Variants in DNAAF9 observed in about 807,000 individuals in gnomAD.
DNAAF9 encodes the protein dynein axonemal assembly factor 9.
DNAAF9 carries 90 observed loss-of-function variants against 167.0 expected under a neutral mutation model. The ratio of observed to expected loss-of-function variants is 0.54; its 90% confidence interval spans 0.45 to 0.64. The LOEUF is 0.64. Among genes scored for constraint, DNAAF9 ranks in the 30% least tolerant of loss-of-function variants. DNAAF9 has a pLI of 0.00. For synonymous variants in DNAAF9, 491 were observed against 508.8 expected (o/e 0.96, Z 0.47); for missense variants, 1,315 against 1,442.2 (o/e 0.91, Z 1.43).
intron 6 of DNAAF9, among the ~76,000 whole-genome samples, chr20:3,373,338 T>C (rs867685636): frequency 6.6e-6 from 1 of 152,336 alleles, no homozygotes. Context: ...TTTCCTGTAC[T>C]GGGCAGGTCA....
Position 3,359,559 on chromosome 20 carries a change from T to C in DNAAF9, c.647A>G (p.Tyr216Cys). The C allele has an allele frequency of 1.2e-6, 2 of 1,612,876 alleles. No individual in the cohort carries two copies. The highest frequency in any genetic ancestry group is 1.7e-6 in the Non-Finnish European group (2 of 1,179,592). Reference protein sequence around the residue: ...QDVSLNLWNVYSKMDPMSLES... With the variant: ...QDVSLNLWNVCSKMDPMSLES... ...CAGAGACATAGGATCCATCTTGCTG[T>C]AGACATTCCATAGATTCAAACTCAC... The change falls in exon 7 of 37, where the codon TAC becomes TGC. Residue 216 changes from tyrosine (Y) to cysteine (C), a missense_variant. Tyr to Cys is a radical substitution (Grantham distance 194, BLOSUM62 -2). Transcript: ENST00000252032.
chr20:3,404,246 G>A (rs1295871670), intron 1 of DNAAF9, among the ~76,000 whole-genome samples: 1 of 152,154 alleles, frequency 6.6e-6, no homozygotes, highest in Non-Finnish European at 1.5e-5. Context: ...ATGTTGGTCA[G>A]GCTGGTCTCA....
chr20:3,279,158 C>A lies in DNAAF9; in HGVS notation c.2613-209G>T, dbSNP rs193286940. 2.8e-3 allele frequency among the ~76,000 whole-genome samples: 421 copies of A among 152,302 alleles called. 1 individual carries two copies. The highest frequency in any genetic ancestry group is 9.5e-3 in the African/African-American group (396 of 41,558). On this transcript the variant is annotated intron_variant, in intron 28 of 36. Coordinates refer to ENST00000252032, the MANE Select transcript of DNAAF9 (RefSeq NM_001009984.3). ...ACCAGGAGCCCCACAGAAGTCCCTA[C>A]ATGGCCAATTCTAAGTGGAATGCTG...
chr20:3,284,750 C>CAGATA (rs571795002), intron 27 of DNAAF9, among the ~76,000 whole-genome samples: 2 of 152,224 alleles, frequency 1.3e-5, no homozygotes, highest in South Asian at 4.2e-4. Flanking sequence ...GTTTTTAATG[C>CAGATA]AGATAATTTT....
At chr20:3,333,107 C>A (rs1018618098) in intron 10 of DNAAF9, among the ~76,000 whole-genome samples, 2 of 152,132 alleles carry the variant, frequency 1.3e-5, no homozygotes, top group Admixed American at 6.5e-5. Flanking sequence ...ACATGACAGG[C>A]AGAGGTGTGG....
intron 23 of DNAAF9, 73 bp downstream of exon 23, chr20:3,296,788 C>T (rs758727892): frequency 8.0e-5 from 74 of 922,120 alleles, no homozygotes; most frequent in Admixed American, 1.4e-4. Context: ...TTACATAATG[C>T]GAGGCATCCT....
chr20:3,391,578 CTTTTTT>C (rs34396355), intron 1 of DNAAF9, among the ~76,000 whole-genome samples: 1 of 120,950 alleles, frequency 8.3e-6, no homozygotes, highest in African/African-American at 3.2e-5. Flanking sequence ...TTTTTTCCTT[CTTTTTT>C]TTTTTTTTTT....
intron 22 of DNAAF9, among the ~76,000 whole-genome samples, chr20:3,297,664 G>A (rs2069105803): frequency 6.6e-6 from 1 of 152,178 alleles, no homozygotes; most frequent in African/African-American, 2.4e-5. Context: ...CGCAAGGGCA[G>A]GGACTGGCCC....
At chr20:3,381,002 T>C (rs1013313058) in intron 3 of DNAAF9, among the ~76,000 whole-genome samples, 19 of 152,234 alleles carry the variant, frequency 1.2e-4, no homozygotes, top group Non-Finnish European at 2.6e-4. Context: ...TTGTAGGAGC[T>C]GCCTGCAGGC....
intron 27 of DNAAF9, among the ~76,000 whole-genome samples, chr20:3,284,337 C>T (rs976705635): frequency 2.0e-5 from 3 of 152,034 alleles, no homozygotes; most frequent in Admixed American, 1.3e-4. Flanking sequence ...TGCACCACCA[C>T]ACCCAGCTAA....
In DNAAF9 at chr20:3,288,664, C is replaced by T. The variant is rs73577656; in HGVS notation, c.2328-874G>A. 9.4e-3 allele frequency among the ~76,000 whole-genome samples: 1,426 copies of T among 151,578 alleles called. 11 individuals are homozygous for T. Among genetic ancestry groups the T allele is most frequent in the African/African-American group, 0.029 (1,202 of 40,986 alleles). ...TTCAGGCTTCCAAATTTCTTTACGG[C>T]CTCCTGCAGGATGCCTTACCTTGGG... is the stretch of plus-strand genomic sequence containing the variant. On this transcript the variant is annotated intron_variant, in intron 26 of 36. Transcript: ENST00000252032.
chr20:3,349,208 A>AAAAG (rs2070262319), intron 7 of DNAAF9, among the ~76,000 whole-genome samples: 3 of 149,890 alleles, frequency 2.0e-5, no homozygotes, highest in African/African-American at 7.4e-5. Context: ...AAAAAACAAA[A>AAAAG]AAAAAAAAAA....
intron 8 of DNAAF9, among the ~76,000 whole-genome samples, chr20:3,347,565 T>A (rs997747845): frequency 7.9e-5 from 12 of 152,162 alleles, no homozygotes; most frequent in Admixed American, 3.3e-4. Flanking sequence ...TCCCTATTAT[T>A]TAAATCTTTA....
chr20:3,264,325 C>A (rs1361241832), intron 31 of DNAAF9, 113 bp downstream of exon 31: 8 of 651,770 alleles, frequency 1.2e-5, no homozygotes, highest in Non-Finnish European at 2.2e-5. Context: ...CCATGTGTCA[C>A]CCTTGCAAAG....
Position 3,252,330 on chromosome 20 carries a change from C to G in DNAAF9, c.*242G>C. ...CTGGACTGCCAGTTGCACACGTAGA[C>G]GGGCAGGCCCCATCTGCTCATCCTT... On this transcript the variant is annotated 3_prime_UTR_variant, in exon 37 of 37. Transcript: ENST00000252032. 2 of 386,474 alleles carry G rather than the reference C, an allele frequency of 5.2e-6. No homozygotes were observed. Among genetic ancestry groups the G allele is most frequent in the South Asian group, 6.9e-5 (2 of 29,162 alleles). The allele number at this position is 386,474 out of a possible 1,614,324, so 23.9% of individuals were successfully genotyped here. A position where few individuals can be genotyped will look rare whatever the true frequency, so the allele number is the denominator to read the frequency against.
chr20:3,333,309 A>G (rs1053248310), intron 10 of DNAAF9, among the ~76,000 whole-genome samples: 3 of 152,158 alleles, frequency 2.0e-5, no homozygotes, highest in African/African-American at 7.2e-5. Context: ...TGAAAATCCA[A>G]CATCTCATGA....
intron 3 of DNAAF9, among the ~76,000 whole-genome samples, chr20:3,378,414 G>T (rs1007572913): frequency 6.6e-6 from 1 of 152,230 alleles, no homozygotes; most frequent in Non-Finnish European, 1.5e-5. Context: ...TCTATAAATA[G>T]ATCAGCAGCT....
chr20:3,307,967 TAAAAAAAAAA>T (rs367851853), intron 20 of DNAAF9, among the ~76,000 whole-genome samples: 1 of 123,452 alleles, frequency 8.1e-6, no homozygotes, highest in Non-Finnish European at 1.6e-5. Context: ...ACACAAGGTT[TAAAAAAAAAA>T]AAAAAAAAAA....
chr20:3,406,415 C>T (rs979799135), intron 1 of DNAAF9, among the ~76,000 whole-genome samples: 6 of 152,326 alleles, frequency 3.9e-5, no homozygotes, highest in African/African-American at 1.4e-4. Flanking sequence ...CAACAAAACC[C>T]TCTCCTGTTT....
Sources: allele counts gnomAD v4.1 joint callset (sites outside exome capture counted in the v4.1 genomes callset), GRCh38; gene constraint gnomAD v4.1.1; transcripts MANE v1.5; gene names NCBI Gene and HGNC (gene_info 2026-07-23, HGNC 2026-07-21).